The following MAGI2 variants were observed in gnomAD, a reference collection of about 807,000 sequenced individuals.
The protein encoded by MAGI2 is membrane associated guanylate kinase, WW and PDZ domain containing 2, also known as membrane-associated guanylate kinase, WW and PDZ domain-containing protein 2.
MAGI2 carries 35 observed loss-of-function variants against 133.3 expected under a neutral mutation model. That is an observed-to-expected ratio of 0.26 (90% CI 0.20 to 0.35). The LOEUF (loss-of-function observed/expected upper bound fraction) is 0.35. Ranked by LOEUF, MAGI2 falls within the 10% of genes least tolerant of loss-of-function variation. The pLI is 1.00. For synonymous variants in MAGI2, 729 were observed against 710.6 expected (o/e 1.03, Z -0.41); for missense variants, 1,636 against 1,863.4 (o/e 0.88, Z 2.25).
In MAGI2 at chr7:78,754,105, A is replaced by C. The variant is rs186392728; in HGVS notation, c.419-126866T>G. The stretch of plus-strand genomic sequence containing the variant: ...AGAAATGGTACATATATATATAAAT[A>C]TTAAAACTGGCCTGTAATCCCAGCA... On this transcript the variant is annotated intron_variant, in intron 2 of 21. Transcript: ENST00000354212. Among the ~76,000 whole-genome samples the C allele has an allele frequency of 4.3e-4, 66 of 152,158 alleles. 1 individual carries two copies. The highest frequency in any genetic ancestry group is 2.5e-3 in the Admixed American group (38 of 15,272).
At chr7:78,535,404 G>C (rs1295110582) in intron 3 of MAGI2, among the ~76,000 whole-genome samples, 1 of 152,172 alleles carries the variant, frequency 6.6e-6, no homozygotes, top group Non-Finnish European at 1.5e-5. Flanking sequence ...TAAAACAGAT[G>C]TCAGGCTGCA....
chr7:79,420,403 CTTA>C (rs914060583), intron 1 of MAGI2, among the ~76,000 whole-genome samples: 2 of 151,964 alleles, frequency 1.3e-5, no homozygotes, highest in African/African-American at 4.8e-5. Context: ...ATATATTCAG[CTTA>C]TTATACAACC....
chr7:78,179,661 C>T (rs1042820251), intron 13 of MAGI2, among the ~76,000 whole-genome samples: 1 of 152,210 alleles, frequency 6.6e-6, no homozygotes, highest in Admixed American at 6.5e-5. Flanking sequence ...AGACCTTTTC[C>T]ATTCAATGAA....
intron 6 of MAGI2, among the ~76,000 whole-genome samples, chr7:78,406,591 A>T (rs1422150065): frequency 6.6e-6 from 1 of 152,056 alleles, no homozygotes; most frequent in African/African-American, 2.4e-5. Flanking sequence ...GGAAATTTTG[A>T]TATTAGCCAC....
chr7:79,344,734 C>T (rs760447936), intron 1 of MAGI2, among the ~76,000 whole-genome samples: 11 of 152,014 alleles, frequency 7.2e-5, no homozygotes, highest in Admixed American at 6.6e-5. Flanking sequence ...TGCGTTGTAC[C>T]TTGAGGGTAA....
chr7:79,141,944 C>CT (rs1219673266), intron 1 of MAGI2, among the ~76,000 whole-genome samples: 1 of 152,064 alleles, frequency 6.6e-6, no homozygotes. Flanking sequence ...TAATATTAGT[C>CT]TTTTTCATTT....
intron 9 of MAGI2, among the ~76,000 whole-genome samples, chr7:78,291,169 A>G (rs1266004253): frequency 2.0e-5 from 3 of 152,268 alleles, no homozygotes; most frequent in East Asian, 1.9e-4. Context: ...GATCAACAAA[A>G]CTGATAGACC....
intron 3 of MAGI2, among the ~76,000 whole-genome samples, chr7:78,558,667 C>A (rs919714211): frequency 1.3e-5 from 2 of 152,002 alleles, no homozygotes; most frequent in African/African-American, 4.8e-5. Context: ...CTTTTTGGGT[C>A]CTTATAATCA....
chr7:79,378,924 G>GTATATATATA lies in MAGI2; in HGVS notation c.301+74095_301+74096insTATATATATA, dbSNP rs745327540. Among the ~76,000 whole-genome samples, 90 of 48,182 alleles carry GTATATATATA rather than the reference G, an allele frequency of 1.9e-3. 1 individual carries two copies. Among genetic ancestry groups the GTATATATATA allele is most frequent in the East Asian group, 3.3e-3 (3 of 902 alleles). The allele number at this position is 48,182 out of a possible 152,430, so 31.6% of individuals were successfully genotyped here. ...TTCTTTTATATATATATATGTGTGT[G>GTATATATATA]TGTATATATATATATATATATATAT... On this transcript the variant is annotated intron_variant, in intron 1 of 21. Transcript: ENST00000354212.
At chr7:78,492,604 CTG>C (rs1030771278) in intron 5 of MAGI2, among the ~76,000 whole-genome samples, 5 of 152,248 alleles carry the variant, frequency 3.3e-5, no homozygotes, top group African/African-American at 1.2e-4. Context: ...AGGCAGGAAA[CTG>C]TGTTCAGAAT....
intron 1 of MAGI2, among the ~76,000 whole-genome samples, chr7:79,392,332 T>A (rs1844719451): frequency 6.6e-6 from 1 of 152,170 alleles, no homozygotes; most frequent in Non-Finnish European, 1.5e-5. Context: ...TGTGCATGTG[T>A]CTTTATAGTA....
At position 78,695,573 on chromosome 7, in the gene MAGI2, A is replaced by G. The variant is rs561165409; in HGVS notation, c.419-68334T>C. ...TTTTGGGGTTTCTAGACATTTCACC[A>G]CTGGTCATCCTTCTATGCAAGAGTG... On this transcript the variant is annotated intron_variant, in intron 2 of 21. Transcript: ENST00000354212. Among the ~76,000 whole-genome samples, 76 of 152,270 alleles carry G rather than the reference A, an allele frequency of 5.0e-4. 2 individuals carry two copies. Among genetic ancestry groups the G allele is most frequent in the Middle Eastern group, 6.8e-3 (2 of 294 alleles).
chr7:79,078,496 T>C (rs183645028), intron 1 of MAGI2, among the ~76,000 whole-genome samples: 6 of 152,318 alleles, frequency 3.9e-5, no homozygotes, highest in Non-Finnish European at 7.4e-5. Context: ...CTAAAATCCA[T>C]TCTAAAGTTG....
chr7:78,955,260 T>A (rs1802202830), intron 2 of MAGI2, among the ~76,000 whole-genome samples: 1 of 152,088 alleles, frequency 6.6e-6, no homozygotes, highest in Admixed American at 6.6e-5. Context: ...AATATATGTC[T>A]TTGCATTTAT....
chr7:78,895,871 T>C (rs997139152), intron 2 of MAGI2, among the ~76,000 whole-genome samples: 6 of 152,202 alleles, frequency 3.9e-5, no homozygotes, highest in Non-Finnish European at 7.3e-5. Context: ...ACTTAAACAA[T>C]GTAACTTTAT....
intron 6 of MAGI2, among the ~76,000 whole-genome samples, chr7:78,427,220 T>C (rs2151422409): frequency 6.6e-6 from 1 of 151,884 alleles, no homozygotes; most frequent in Admixed American, 6.6e-5. Flanking sequence ...AATAACAAAA[T>C]AAGAGATCTA....
At chr7:78,072,998 T>C in intron 21 of MAGI2, 1 of 398,614 alleles carries the variant, frequency 2.5e-6, no homozygotes, top group Non-Finnish European at 4.4e-6. Context: ...AAATGACCAT[T>C]ACTTATTGCT....
intron 20 of MAGI2, among the ~76,000 whole-genome samples, chr7:78,089,926 G>A (rs1817016429): frequency 6.6e-6 from 1 of 152,160 alleles, no homozygotes; most frequent in African/African-American, 2.4e-5. Flanking sequence ...TCCTTGACAT[G>A]AGGTGTAAAT....
At chr7:78,973,091 G>T (rs550345386) in intron 2 of MAGI2, among the ~76,000 whole-genome samples, 1 of 151,902 alleles carries the variant, frequency 6.6e-6, no homozygotes, top group East Asian at 2.0e-4. Context: ...AATTAAACAA[G>T]GGTTTGCCAG....
Sources: gnomAD v4.1 joint callset for allele counts (sites outside exome capture counted in the v4.1 genomes callset) on GRCh38, gnomAD v4.1.1 for gene constraint, MANE v1.5 for transcripts, NCBI Gene and HGNC (gene_info 2026-07-23, HGNC 2026-07-21) for gene names.